Variants in INPP4B observed in about 807,000 individuals in gnomAD.
INPP4B encodes the protein inositol polyphosphate-4-phosphatase type II B, also known as inositol polyphosphate 4-phosphatase type II.
Under a neutral mutation model 122.5 loss-of-function variants are expected in INPP4B, and 55 were observed. The observed-to-expected ratio is 0.45, with a 90% CI of 0.36 to 0.56. The LOEUF is 0.56. INPP4B is among the 20% of genes least tolerant of loss of function. The pLI is 0.00. For synonymous variants in INPP4B, 403 were observed against 388.7 expected, an observed-to-expected ratio of 1.04 and a Z score of -0.43; for missense variants, 1,000 against 1,097.7, an observed-to-expected ratio of 0.91 and a Z score of 1.26.
intron 5 of INPP4B, chr4:142,427,315 A>G (rs2149349081): frequency 2.6e-6 from 1 of 389,854 alleles, no homozygotes; most frequent in East Asian, 3.9e-5. Flanking sequence ...GTGTTCGCTC[A>G]TCAAGCATTT....
intron 11 of INPP4B, among the ~76,000 whole-genome samples, chr4:142,247,362 G>C (rs1442499475): frequency 6.6e-6 from 1 of 152,154 alleles, no homozygotes; most frequent in Non-Finnish European, 1.5e-5. Flanking sequence ...CGTTTCAGAA[G>C]GAATGGTATC....
At chr4:142,558,953 T>C (rs1729867510) in intron 2 of INPP4B, among the ~76,000 whole-genome samples, 1 of 152,074 alleles carries the variant, frequency 6.6e-6, no homozygotes, top group Admixed American at 6.6e-5. Flanking sequence ...CTGTCTCAGC[T>C]CATTAACTAG....
In INPP4B at chr4:142,794,827, T is replaced by G. The variant is rs1353674687; in HGVS notation, c.-254+51382A>C. ...AACCCCAAAATTTGGGCAATGTAAT[T>G]TGGAAAGCAAATTGGTATTATGCAG... On this transcript the variant is annotated intron_variant, in intron 1 of 25. Coordinates refer to ENST00000262992, the MANE Select transcript of INPP4B (RefSeq NM_001101669.3). Among the ~76,000 whole-genome samples the G allele has an allele frequency of 2.0e-5, 3 of 152,010 alleles. No individual in the cohort carries two copies. In the South Asian group the frequency reaches 6.2e-4, roughly 32 times the overall value.
At chr4:142,676,771 GA>G in intron 2 of INPP4B, among the ~76,000 whole-genome samples, 1 of 152,088 alleles carries the variant, frequency 6.6e-6, no homozygotes, top group Non-Finnish European at 1.5e-5. Context: ...ATGGTGTTGG[GA>G]AAACTGGCTA....
intron 2 of INPP4B, among the ~76,000 whole-genome samples, chr4:142,481,370 T>C (rs1239529781): frequency 6.6e-6 from 1 of 152,006 alleles, no homozygotes; most frequent in Non-Finnish European, 1.5e-5. Context: ...CATAGGGTCC[T>C]AACTACACTA....
At chr4:142,803,756 C>A (rs1487320605) in intron 1 of INPP4B, among the ~76,000 whole-genome samples, 1 of 151,826 alleles carries the variant, frequency 6.6e-6, no homozygotes, top group Non-Finnish European at 1.5e-5. Flanking sequence ...AAAACACAAA[C>A]CATCCAGACC....
At chr4:142,736,892 T>G (rs1767000831) in intron 1 of INPP4B, among the ~76,000 whole-genome samples, 1 of 152,170 alleles carries the variant, frequency 6.6e-6, no homozygotes. Context: ...TCAAAGGGAA[T>G]GCTTCCAGTT....
chr4:142,682,171 C>T (rs1024764386), intron 2 of INPP4B, among the ~76,000 whole-genome samples: 2 of 151,850 alleles, frequency 1.3e-5, no homozygotes, highest in African/African-American at 4.8e-5. Context: ...TTAATTTATT[C>T]TACCAATTTC....
intron 2 of INPP4B, among the ~76,000 whole-genome samples, chr4:142,674,880 C>G (rs1484240664): frequency 6.6e-6 from 1 of 152,114 alleles, no homozygotes; most frequent in Admixed American, 6.6e-5. Flanking sequence ...AAATTTATAG[C>G]ACTAAATGCC....
At chr4:142,502,458 TTC>T (rs1174025989) in intron 2 of INPP4B, among the ~76,000 whole-genome samples, 11 of 152,156 alleles carry the variant, frequency 7.2e-5, no homozygotes. Context: ...TGTCTGCAAC[TTC>T]TGTTTTCCTG....
chr4:142,631,319 T>A (rs1467726481), intron 2 of INPP4B, among the ~76,000 whole-genome samples: 1 of 152,084 alleles, frequency 6.6e-6, no homozygotes, highest in Non-Finnish European at 1.5e-5. Flanking sequence ...TAGATGGGTT[T>A]AAAAGCAAAA....
intron 20 of INPP4B, among the ~76,000 whole-genome samples, chr4:142,122,454 C>G (rs772665814): frequency 1.3e-5 from 2 of 152,036 alleles, no homozygotes; most frequent in Non-Finnish European, 2.9e-5. Flanking sequence ...GTCAATCTAC[C>G]CTTTGAGGGA....
At chr4:142,375,222 G>C (rs1053457564) in intron 7 of INPP4B, among the ~76,000 whole-genome samples, 1 of 151,392 alleles carries the variant, frequency 6.6e-6, no homozygotes, top group Non-Finnish European at 1.5e-5. Context: ...CTTCCTCTTT[G>C]TCTTAAAATT....
At chr4:142,184,880 C>T (rs1420199740) in intron 15 of INPP4B, among the ~76,000 whole-genome samples, 6 of 152,100 alleles carry the variant, frequency 3.9e-5, no homozygotes, top group Admixed American at 2.0e-4. Flanking sequence ...GGCCAGAACA[C>T]ATGTATATAT....
intron 2 of INPP4B, among the ~76,000 whole-genome samples, chr4:142,643,714 C>T (rs757908540): frequency 1.3e-5 from 2 of 152,132 alleles, no homozygotes; most frequent in Non-Finnish European, 2.9e-5. Context: ...CAAAGCTTAC[C>T]ATGAAAATAC....
chr4:142,370,407 C>T (rs1365156319), intron 7 of INPP4B, among the ~76,000 whole-genome samples: 1 of 152,002 alleles, frequency 6.6e-6, no homozygotes, highest in East Asian at 1.9e-4. Context: ...CTTTAGATTC[C>T]TCAAAATTTA....
At chr4:142,333,405 C>G (rs1040074001) in intron 7 of INPP4B, among the ~76,000 whole-genome samples, 2 of 152,284 alleles carry the variant, frequency 1.3e-5, no homozygotes, top group Admixed American at 6.5e-5. Flanking sequence ...TCGTTGAAAA[C>G]GAAGGAATGT....
At chr4:142,595,550 T>C (rs911648873) in intron 2 of INPP4B, among the ~76,000 whole-genome samples, 1 of 152,214 alleles carries the variant, frequency 6.6e-6, no homozygotes, top group African/African-American at 2.4e-5. Context: ...ACTTATTTTA[T>C]GTTTATCCAG....
chr4:142,562,454 A>T (rs1730676640), intron 2 of INPP4B, among the ~76,000 whole-genome samples: 3 of 152,214 alleles, frequency 2.0e-5, no homozygotes, highest in Admixed American at 1.3e-4. Flanking sequence ...ACATATGCTT[A>T]CATCCCATAT....
Sources: gnomAD v4.1 joint callset for allele counts (sites outside exome capture counted in the v4.1 genomes callset) on GRCh38, gnomAD v4.1.1 for gene constraint, MANE v1.5 for transcripts, NCBI Gene and HGNC (gene_info 2026-07-23, HGNC 2026-07-21) for gene names.